CDK12: variants seen among roughly 807,000 people sequenced by gnomAD.
CDK12 encodes the protein cyclin-dependent kinase 12.
In CDK12, 17 loss-of-function variants were observed where a neutral mutation model predicts 133.8. The observed-to-expected ratio is 0.13, with a 90% CI of 0.09 to 0.19. CDK12 has a LOEUF of 0.19. CDK12 is among the 10% of genes least tolerant of loss of function. CDK12 has a pLI of 1.00. For missense variants in CDK12, 1,508 were observed against 1,818.7 expected (o/e 0.83, Z 3.11); for synonymous variants, 694 against 683.6 (o/e 1.02, Z -0.24).
chr17:39,489,207 A>G (rs1282602859), intron 2 of CDK12, among the ~76,000 whole-genome samples: 1 of 151,278 alleles, frequency 6.6e-6, no homozygotes, highest in East Asian at 1.9e-4. Context: ...CAGCCTCCTG[A>G]GTAGCTGGGA....
intron 1 of CDK12, among the ~76,000 whole-genome samples, chr17:39,470,229 T>C (rs906683657): frequency 6.6e-6 from 1 of 151,820 alleles, no homozygotes; most frequent in Non-Finnish European, 1.5e-5. Context: ...CATGCCATTC[T>C]CCTGCCTCAG....
In CDK12 at chr17:39,471,093, A is replaced by C; in HGVS notation, c.1261A>C (p.Lys421Gln). Residue 421 changes from lysine to glutamine, a missense_variant, in exon 2 of 14, where the codon AAG becomes CAG. Lys to Gln is a moderately conservative substitution (Grantham distance 53). This residue lies in a region of CDK12 where 347 missense variants were observed against 330.8 expected (regional missense o/e 1.05). Transcript: ENST00000447079. The stretch of plus-strand genomic sequence containing the variant: ...AGCAAAGATGGATGGAAAGGAGTCC[A>C]AGGGTTCACCTGTATTTTTGCCTAG... ...AAAKMDGKES[K>Q]GSPVFLPRKE... The C allele has an allele frequency of 6.2e-7, 1 of 1,613,200 alleles. No individual in the cohort carries two copies. Among genetic ancestry groups the C allele is most frequent in the Non-Finnish European group, 8.5e-7 (1 of 1,179,714 alleles).
At chr17:39,551,432 T>G (rs2055950769) in intron 2 of CDK12, among the ~76,000 whole-genome samples, 1 of 152,140 alleles carries the variant, frequency 6.6e-6, no homozygotes, top group African/African-American at 2.4e-5. Context: ...AAATGCATTA[T>G]TTACCCCACC....
intron 5 of CDK12, among the ~76,000 whole-genome samples, chr17:39,497,529 CA>C (rs1464728786): frequency 6.8e-6 from 1 of 147,118 alleles, no homozygotes; most frequent in Non-Finnish European, 1.5e-5. Context: ...GGCAACAGAG[CA>C]AGACTCTGTC....
chr17:39,488,001 A>G (rs1390127425), intron 2 of CDK12, among the ~76,000 whole-genome samples: 1 of 152,134 alleles, frequency 6.6e-6, no homozygotes, highest in Middle Eastern at 3.2e-3. Context: ...GAGGCGAGGC[A>G]AGAGCATCAC....
At chr17:39,560,990 G>C (rs1225785916) in intron 3 of CDK12, among the ~76,000 whole-genome samples, 2 of 152,130 alleles carry the variant, frequency 1.3e-5, no homozygotes, top group Non-Finnish European at 2.9e-5. Context: ...CTCCAGCCTG[G>C]GCGACACAGC....
Position 39,463,112 on chromosome 17 carries a change from C to T in CDK12, c.1041C>T (p.Leu347=), listed in dbSNP as rs760033652. ...AGCGGTCTCTGAGTCGGAGTCCACTCCCCAGGTGAGCTATTTGTCTAACAG... is the reference window on the plus strand; with the variant it reads ...AGCGGTCTCTGAGTCGGAGTCCACTTCCCAGGTGAGCTATTTGTCTAACAG... ...LSKRSLSRSP[L]PSRKSMKSRS... Residue 347 remains leucine, a synonymous_variant, in exon 1 of 14, where the codon CTC becomes CTT. Transcript: ENST00000447079. 2 of 1,612,796 alleles carry T rather than the reference C, an allele frequency of 1.2e-6. No individual in the cohort carries two copies. Among genetic ancestry groups the T allele is most frequent in the Admixed American group, 1.7e-5 (1 of 59,812 alleles).
At chr17:39,503,094 C>A (rs2052843915) in intron 6 of CDK12, among the ~76,000 whole-genome samples, 1 of 152,060 alleles carries the variant, frequency 6.6e-6, no homozygotes, top group African/African-American at 2.4e-5. Context: ...AAGAAATAAT[C>A]TTAGACTGAG....
intron 3 of CDK12, among the ~76,000 whole-genome samples, chr17:39,563,780 A>C (rs1054588939): frequency 1.3e-5 from 2 of 150,268 alleles, no homozygotes; most frequent in Non-Finnish European, 3.0e-5. Flanking sequence ...GGAGAGGGAG[A>C]GTGAGAGTGA....
rs528683059 is a variant in CDK12 at position 39,498,212 on chromosome 17, T to A, written c.2420-3038T>A. Among the ~76,000 whole-genome samples, 6 of 152,006 alleles carry A rather than the reference T, an allele frequency of 3.9e-5. No homozygotes were observed. The South Asian group carries it at 1.2e-3, about 32-fold the overall frequency. On this transcript the variant is annotated intron_variant, in intron 5 of 13. Transcript: ENST00000447079. Reference sequence around the variant, plus strand: ...TTTTGCTATGTTGCCCAGCCTGGTCTTTTTGTTTTGTTTTATTTTGTTTTT... The same window carrying A: ...TTTTGCTATGTTGCCCAGCCTGGTCATTTTGTTTTGTTTTATTTTGTTTTT...
At chr17:39,481,587 C>T (rs1251660630) in intron 2 of CDK12, among the ~76,000 whole-genome samples, 2 of 149,990 alleles carry the variant, frequency 1.3e-5, no homozygotes, top group Middle Eastern at 3.5e-3. Context: ...TGGAATTACA[C>T]GTGTGAGCCA....
At chr17:39,482,491 T>C (rs1475790711) in intron 2 of CDK12, among the ~76,000 whole-genome samples, 2 of 151,906 alleles carry the variant, frequency 1.3e-5, no homozygotes, top group East Asian at 3.9e-4. Context: ...CTTTTTTTTT[T>C]AGGGAACACT....
At chr17:39,516,260 A>T (rs1278666411) in intron 9 of CDK12, among the ~76,000 whole-genome samples, 2 of 152,202 alleles carry the variant, frequency 1.3e-5, no homozygotes, top group Admixed American at 1.3e-4. Flanking sequence ...AATAGAAAAT[A>T]TGGGGAAAGC....
chr17:39,532,461 C>CAAAA lies in CDK12; in HGVS notation c.*1152_*1155dup. ...ATTGTTTACACATATATTTTTATGTCAAAAAAAAAACAAAAACCTTTCAAA... is the reference window on the plus strand; with the variant it reads ...ATTGTTTACACATATATTTTTATGTCAAAAAAAAAAAAAACAAAAACCTTTCAAA... On this transcript the variant is annotated 3_prime_UTR_variant, in exon 14 of 14. Coordinates refer to ENST00000447079, the MANE Select transcript of CDK12 (RefSeq NM_016507.4). The CAAAA allele has an allele frequency of 4.9e-6, 1 of 202,556 alleles. No individual in the cohort carries two copies. Among genetic ancestry groups the CAAAA allele is most frequent in the Admixed American group, 6.3e-5 (1 of 15,924 alleles). 12.5% of individuals were successfully genotyped at this position (202,556 alleles called of 1,614,324 possible). A position where few individuals can be genotyped will look rare whatever the true frequency, so the allele number is the denominator to read the frequency against.
chr17:39,494,092 C>T (rs533810685), intron 4 of CDK12, among the ~76,000 whole-genome samples: 1 of 152,224 alleles, frequency 6.6e-6, no homozygotes, highest in East Asian at 1.9e-4. Flanking sequence ...GAGTCTCACT[C>T]TGTCACCCAG....
intron 6 of CDK12, among the ~76,000 whole-genome samples, chr17:39,505,396 G>A (rs1383551756): frequency 6.7e-6 from 1 of 149,504 alleles, no homozygotes; most frequent in Non-Finnish European, 1.5e-5. Flanking sequence ...GTGGAGGTGC[G>A]TGCCTGTAGT....
rs529319276 is a variant in CDK12 at position 39,530,560 on chromosome 17, T to C, written c.3761-44T>C. On this transcript the variant is annotated intron_variant, in intron 13 of 13. Transcript: ENST00000447079. ...GTGTGTGTTTGTGTTTATAATCACA[T>C]GTGCTTTTTAAGATGGTGTTTAAAA... 16 of 1,524,602 alleles carry C rather than the reference T, an allele frequency of 1.0e-5. No homozygotes were observed. The South Asian group carries it at 2.1e-4, about 20-fold the overall frequency. 94.4% of individuals were successfully genotyped at this position (1,524,602 alleles called of 1,614,324 possible).
intron 2 of CDK12, among the ~76,000 whole-genome samples, chr17:39,479,424 C>G (rs930415357): frequency 6.6e-6 from 1 of 151,570 alleles, no homozygotes; most frequent in South Asian, 2.1e-4. Context: ...ACTTACACAT[C>G]ATTTTTAGTA....
At chr17:39,499,248 C>T in intron 5 of CDK12, among the ~76,000 whole-genome samples, 1 of 135,080 alleles carries the variant, frequency 7.4e-6, no homozygotes, top group East Asian at 2.2e-4. Flanking sequence ...GCTCTTTTTG[C>T]CCAGGCTGGA....
Sources: allele counts gnomAD v4.1 joint callset (sites outside exome capture counted in the v4.1 genomes callset), GRCh38; gene constraint gnomAD v4.1.1; regional missense constraint gnomAD v4.1.1; transcripts MANE v1.5; gene names NCBI Gene and HGNC (gene_info 2026-07-23, HGNC 2026-07-21).